Variants in PCDHGA11 observed in about 807,000 individuals in gnomAD.
PCDHGA11 encodes protocadherin gamma subfamily A, 11.
PCDHGA11 carries 39 observed loss-of-function variants against 60.4 expected under a neutral mutation model. That is an observed-to-expected ratio of 0.65 (90% CI 0.50 to 0.84). The LOEUF is 0.84. Among genes scored for constraint, PCDHGA11 ranks in the 40% least tolerant of loss-of-function variants. The pLI is 0.00. For synonymous variants in PCDHGA11, 533 were observed against 510.3 expected (o/e 1.04, Z -0.60); for missense variants, 1,165 against 1,197.7 (o/e 0.97, Z 0.40).
At chr5:141,469,306 A>G in intron 1 of PCDHGA11, among the ~76,000 whole-genome samples, 1 of 150,500 alleles carries the variant, frequency 6.6e-6, no homozygotes, top group South Asian at 2.1e-4. Flanking sequence ...ACTGGGCACG[A>G]TGGCTCACGC....
intron 1 of PCDHGA11, among the ~76,000 whole-genome samples, chr5:141,473,773 T>C (rs1473510505): frequency 6.6e-6 from 1 of 152,254 alleles, no homozygotes; most frequent in Non-Finnish European, 1.5e-5. Context: ...GGATTTGGTA[T>C]TTTAATTCAA....
chr5:141,483,661 T>TGTGTGA (rs1357903548), intron 1 of PCDHGA11, among the ~76,000 whole-genome samples: 7 of 152,042 alleles, frequency 4.6e-5, no homozygotes, highest in African/African-American at 1.7e-4. Context: ...TGTGTGTGTG[T>TGTGTGA]GTGTGTGTAA....
At chr5:141,478,850 A>T in intron 1 of PCDHGA11, 1 of 1,376,726 alleles carries the variant, frequency 7.3e-7, no homozygotes, top group South Asian at 1.5e-5. Context: ...AAGCTAAAAC[A>T]CAAGATCTCA....
At chr5:141,484,362 A>T (rs1460176695) in intron 1 of PCDHGA11, among the ~76,000 whole-genome samples, 1 of 152,196 alleles carries the variant, frequency 6.6e-6, no homozygotes, top group Non-Finnish European at 1.5e-5. Context: ...TATCTAGTGT[A>T]TCACTAGCAA....
At position 141,431,549 on chromosome 5, in the gene PCDHGA11, G is replaced by A. The variant is rs750427346; in HGVS notation, c.2433+7889G>A. ...GGCCTTGGGCACGCAGCTGCTTGTA[G>A]TCAACGCTACCGACCCTGACGAAGG... On this transcript the variant is annotated intron_variant, in intron 1 of 3. Coordinates refer to ENST00000398587, the MANE Select transcript of PCDHGA11 (RefSeq NM_018914.3). This position sits in a 1 kb window ranked among gnomAD's most constrained non-coding sequence, Gnocchi z 4.8. The A allele has an allele frequency of 6.2e-7, 1 of 1,614,156 alleles. No homozygotes were observed. Among genetic ancestry groups the A allele is most frequent in the South Asian group, 1.1e-5 (1 of 91,090 alleles).
Position 141,503,868 on chromosome 5 carries a change from G to A in PCDHGA11, c.2493-1525G>A, listed in dbSNP as rs928240898. Among the ~76,000 whole-genome samples, 24 of 152,202 alleles carry A rather than the reference G, an allele frequency of 1.6e-4. No individual in the cohort carries two copies. The South Asian group carries it at 4.1e-3, about 26-fold the overall frequency. ...TTGGAAAAATTGTAAAGCAGTTCTT[G>A]GTTGTGCTCACCCACCATGACAAAA... On this transcript the variant is annotated intron_variant, in intron 2 of 3. Coordinates refer to ENST00000398587, the MANE Select transcript of PCDHGA11 (RefSeq NM_018914.3).
At chr5:141,505,780 G>A (rs1595982811) in intron 3 of PCDHGA11, among the ~76,000 whole-genome samples, 1 of 139,456 alleles carries the variant, frequency 7.2e-6, no homozygotes, top group Non-Finnish European at 1.6e-5. Flanking sequence ...TCCTAGCTCT[G>A]CTACTATCCT....
intron 1 of PCDHGA11, among the ~76,000 whole-genome samples, chr5:141,438,655 T>C (rs1436221152): frequency 7.1e-6 from 1 of 140,042 alleles, no homozygotes; most frequent in Non-Finnish European, 1.5e-5. Flanking sequence ...CACACACATA[T>C]ATGTATATAT....
At chr5:141,460,411 T>TG (rs2098988114) in intron 1 of PCDHGA11, among the ~76,000 whole-genome samples, 1 of 152,212 alleles carries the variant, frequency 6.6e-6, no homozygotes, top group Non-Finnish European at 1.5e-5. Context: ...TTTGAGTTGA[T>TG]GTTTATGTAT....
At chr5:141,462,648 C>T (rs2099044153) in intron 1 of PCDHGA11, among the ~76,000 whole-genome samples, 1 of 137,364 alleles carries the variant, frequency 7.3e-6, no homozygotes, top group Admixed American at 7.1e-5. Flanking sequence ...TCATTTCCAT[C>T]CTCAATTATC....
intron 1 of PCDHGA11, among the ~76,000 whole-genome samples, chr5:141,484,084 T>A (rs1030166144): frequency 3.3e-5 from 5 of 152,174 alleles, no homozygotes; most frequent in African/African-American, 4.8e-5. Flanking sequence ...TCTTTTGAAA[T>A]GGTCTTCGTT....
At chr5:141,436,335 A>T (rs2097814208) in intron 1 of PCDHGA11, among the ~76,000 whole-genome samples, 1 of 152,172 alleles carries the variant, frequency 6.6e-6, no homozygotes, top group African/African-American at 2.4e-5. Flanking sequence ...ACCATATCTC[A>T]AATATCAGTG....
chr5:141,448,545 A>T lies in PCDHGA11; in HGVS notation c.2433+24885A>T, dbSNP rs537259621. On this transcript the variant is annotated intron_variant, in intron 1 of 3. Coordinates refer to ENST00000398587, the MANE Select transcript of PCDHGA11 (RefSeq NM_018914.3). ...AGCATCCTGTCAGCATTTCTTATGC[A>T]AATATGTACATATATTTTTATTTCC... 1.5e-4 allele frequency among the ~76,000 whole-genome samples: 23 copies of T among 152,334 alleles called. 1 individual carries two copies. The South Asian group carries it at 2.7e-3, about 18-fold the overall frequency.
At chr5:141,478,442 C>T in intron 1 of PCDHGA11, 1 of 1,613,608 alleles carries the variant, frequency 6.2e-7, no homozygotes, top group Non-Finnish European at 8.5e-7. Flanking sequence ...GCTGAAGAAA[C>T]CTGGTGCAGC....
intron 1 of PCDHGA11, among the ~76,000 whole-genome samples, chr5:141,442,910 C>G (rs1419319938): frequency 6.6e-6 from 1 of 152,196 alleles, no homozygotes; most frequent in African/African-American, 2.4e-5. Flanking sequence ...TCCTTCAGCA[C>G]ACAACTGTTT....
chr5:141,436,089 T>C (rs1001252646), intron 1 of PCDHGA11, among the ~76,000 whole-genome samples: 1 of 152,204 alleles, frequency 6.6e-6, no homozygotes, highest in Non-Finnish European at 1.5e-5. Context: ...ATAGGTAATA[T>C]TGAGAGAAAT....
Position 141,422,774 on chromosome 5 carries a change from A to G in PCDHGA11, c.1547A>G (p.Tyr516Cys), listed in dbSNP as rs372343628. The change falls in exon 1 of 4, where the codon TAT becomes TGT. Residue 516 changes from tyrosine to cysteine, a missense_variant. Physicochemically the swap from Tyr to Cys is radical, Grantham distance 194 (BLOSUM62 -2). Coordinates refer to ENST00000398587, the MANE Select transcript of PCDHGA11 (RefSeq NM_018914.3). ...ATTAACTCCAACACTGGTGTTCTCT[A>G]TGCCCTACAATCCTTCGACTATGAG... ...VSINSNTGVLYALQSFDYEQF... is the reference protein window; with the variant it reads ...VSINSNTGVLCALQSFDYEQF... 100 of 1,613,880 alleles carry G rather than the reference A, an allele frequency of 6.2e-5. 1 individual carries two copies. In the Middle Eastern group the frequency reaches 1.3e-3, roughly 21 times the overall value.
rs542113846 is a variant in PCDHGA11 at position 141,433,037 on chromosome 5, A to G, written c.2433+9377A>G. ...GACCTATTCCCACGAGGTTTCCCTCACCACGGACTCGCGGAAGAGTCACCT... is the reference window on the plus strand; with the variant it reads ...GACCTATTCCCACGAGGTTTCCCTCGCCACGGACTCGCGGAAGAGTCACCT... On this transcript the variant is annotated intron_variant, in intron 1 of 3. Coordinates refer to ENST00000398587, the MANE Select transcript of PCDHGA11 (RefSeq NM_018914.3). 249 of 1,614,172 alleles carry G rather than the reference A, an allele frequency of 1.5e-4. 6 individuals are homozygous for G. The South Asian group carries it at 2.5e-3, about 16-fold the overall frequency.
intron 1 of PCDHGA11, 63 bp downstream of exon 1, chr5:141,423,723 T>C: frequency 8.5e-7 from 1 of 1,174,478 alleles, no homozygotes; most frequent in Non-Finnish European, 1.1e-6. Context: ...TAAGGAGATG[T>C]TTTTTGAGCC....
Sources: allele counts gnomAD v4.1 joint callset (sites outside exome capture counted in the v4.1 genomes callset), GRCh38; gene constraint gnomAD v4.1.1; non-coding constraint Gnocchi (gnomAD v3.1); transcripts MANE v1.5; gene names NCBI Gene and HGNC (gene_info 2026-07-23, HGNC 2026-07-21).